Variants in KLF17 observed in about 807,000 individuals in gnomAD.
KLF17 encodes KLF transcription factor 17.
In KLF17, 31 loss-of-function variants were observed where a neutral mutation model predicts 34.2. The observed-to-expected ratio is 0.91, with a 90% CI of 0.68 to 1.22. KLF17 has a LOEUF of 1.22. KLF17 is among the 50% of genes most tolerant of loss of function. KLF17 has a pLI of 0.00. For missense variants in KLF17, 478 were observed against 505.2 expected (o/e 0.95, Z 0.52); for synonymous variants, 179 against 186.7 (o/e 0.96, Z 0.34).
intron 1 of KLF17, among the ~76,000 whole-genome samples, chr1:44,127,063 G>A (rs923885563): frequency 7.9e-6 from 1 of 126,914 alleles, no homozygotes; most frequent in East Asian, 2.3e-4. Flanking sequence ...TGCCTGGCTT[G>A]TTTTTTTTTT....
chr1:44,086,776 T>A, the KLF17 span, among the ~76,000 whole-genome samples: 1 of 152,184 alleles, frequency 6.6e-6, no homozygotes, highest in Non-Finnish European at 1.5e-5. Context: ...ATTTGATGGC[T>A]GTGGGAGTTC....
chr1:44,054,351 C>T, the KLF17 span, among the ~76,000 whole-genome samples: 1 of 152,092 alleles, frequency 6.6e-6, no homozygotes, highest in Non-Finnish European at 1.5e-5. Flanking sequence ...TTGTTAGTGG[C>T]TGCTTTAGGC....
the KLF17 span, among the ~76,000 whole-genome samples, chr1:44,097,620 G>A: frequency 6.6e-6 from 1 of 151,922 alleles, no homozygotes; most frequent in Admixed American, 6.6e-5. Context: ...AAAAAAATTT[G>A]TGGGTACATT....
chr1:44,059,534 A>G, the KLF17 span, among the ~76,000 whole-genome samples: 44 of 152,170 alleles, frequency 2.9e-4, no homozygotes, highest in African/African-American at 1.0e-3. Flanking sequence ...TGGCCTACCC[A>G]GAAAATTTCA....
At chr1:44,065,949 A>G in the KLF17 span, among the ~76,000 whole-genome samples, 1 of 152,308 alleles carries the variant, frequency 6.6e-6, no homozygotes, top group Non-Finnish European at 1.5e-5. Flanking sequence ...AAAATACTCA[A>G]CTTTATTAAT....
the KLF17 span, among the ~76,000 whole-genome samples, chr1:44,056,773 A>T: frequency 6.6e-6 from 1 of 152,122 alleles, no homozygotes; most frequent in Non-Finnish European, 1.5e-5. Context: ...CCACTGCTCT[A>T]TTGGTAGAAG....
intron 1 of KLF17, 102 bp downstream of exon 1, chr1:44,119,090 CCCGAGGGGTAGAAAT>C (rs1378877614): frequency 2.6e-6 from 2 of 778,396 alleles, no homozygotes; most frequent in Admixed American, 6.5e-5. Context: ...GAAGCAGAAA[CCCGAGGGGTAGAAAT>C]CCGAGGGGAG....
the KLF17 span, among the ~76,000 whole-genome samples, chr1:44,091,900 A>T: frequency 7.0e-6 from 1 of 143,378 alleles, no homozygotes; most frequent in Non-Finnish European, 1.5e-5. Flanking sequence ...GGTGAGAGAG[A>T]AAAACTCTGT....
At chr1:44,085,080 C>CTATA in the KLF17 span, among the ~76,000 whole-genome samples, 1 of 149,464 alleles carries the variant, frequency 6.7e-6, no homozygotes, top group Non-Finnish European at 1.5e-5. Context: ...TGAGTGCCTA[C>CTATA]TATATATATA....
chr1:44,120,049 C>T (rs2087928438), intron 1 of KLF17, among the ~76,000 whole-genome samples: 1 of 152,108 alleles, frequency 6.6e-6, no homozygotes, highest in African/African-American at 2.4e-5. Flanking sequence ...TCATTGGTCC[C>T]CGGGTGGTGA....
the KLF17 span, among the ~76,000 whole-genome samples, chr1:44,086,132 G>A: frequency 9.2e-5 from 14 of 152,288 alleles, no homozygotes; most frequent in African/African-American, 2.6e-4. Flanking sequence ...AAGTGGAGAC[G>A]CTGAGTATAG....
rs1486059267 is a variant in KLF17, at chr1:44,118,880, T to C, written c.-28T>C. 2.5e-5 allele frequency: 39 copies of C among 1,582,364 alleles called. No individual in the cohort carries two copies. The highest frequency in any genetic ancestry group is 3.5e-5 in the Admixed American group (2 of 56,540). ...GGTGGCTGGTTCCCTGTCTCTTCAG[T>C]AGAGAGTCTAGACCCCACCCAGTCT... On this transcript the variant is annotated 5_prime_UTR_variant, in exon 1 of 4. Transcript: ENST00000372299.
chr1:44,063,952 G>A, the KLF17 span, among the ~76,000 whole-genome samples: 34 of 152,144 alleles, frequency 2.2e-4, no homozygotes, highest in Non-Finnish European at 4.3e-4. Flanking sequence ...AGGAAGCCGG[G>A]AGGATTGAGT....
chr1:44,130,442 C>G, intron 2 of KLF17, 70 bp from the exon 3 acceptor site: 1 of 1,589,846 alleles, frequency 6.3e-7, no homozygotes, highest in Admixed American at 1.7e-5. Flanking sequence ...CTGGACTGCT[C>G]TGCCTCACAG....
rs375744324 is a variant in KLF17 at position 44,127,664 on chromosome 1, T to TTC, written c.82-1687_82-1686dup. On this transcript the variant is annotated intron_variant, in intron 1 of 3. Coordinates refer to ENST00000372299, the MANE Select transcript of KLF17 (RefSeq NM_173484.4). The stretch of plus-strand genomic sequence containing the variant: ...CTTCTTTCTTTCTTTCTTTCTTTCT[T>TTC]TCTTTCTTTCTTTCTTTCTTTCTTT... 2.8e-3 allele frequency among the ~76,000 whole-genome samples: 170 copies of TTC among 61,186 alleles called. 5 individuals are homozygous for TTC. The highest frequency in any genetic ancestry group is 3.7e-3 in the East Asian group (7 of 1,912). 40.1% of individuals were successfully genotyped at this position (61,186 alleles called of 152,430 possible).
chr1:44,084,187 C>G, the KLF17 span, among the ~76,000 whole-genome samples: 116 of 152,262 alleles, frequency 7.6e-4, no homozygotes, highest in African/African-American at 2.6e-3. Context: ...CCATTTTGGT[C>G]GATACATTTT....
At chr1:44,108,582 C>T in the KLF17 span, among the ~76,000 whole-genome samples, 3 of 149,270 alleles carry the variant, frequency 2.0e-5, no homozygotes, top group Non-Finnish European at 3.0e-5. Flanking sequence ...GGTTTGACCA[C>T]TGGTGATCTC....
chr1:44,070,332 C>T, the KLF17 span, among the ~76,000 whole-genome samples: 1 of 152,126 alleles, frequency 6.6e-6, no homozygotes, highest in African/African-American at 2.4e-5. Context: ...GATTTCTCAT[C>T]ATCCACCCCC....
the KLF17 span, among the ~76,000 whole-genome samples, chr1:44,068,474 C>T: frequency 6.6e-6 from 1 of 152,208 alleles, no homozygotes; most frequent in Non-Finnish European, 1.5e-5. Flanking sequence ...ACTATGTAGC[C>T]CCCACCACCT....
Sources: allele counts gnomAD v4.1 joint callset (sites outside exome capture counted in the v4.1 genomes callset), GRCh38; gene constraint gnomAD v4.1.1; transcripts MANE v1.5; gene names NCBI Gene and HGNC (gene_info 2026-07-23, HGNC 2026-07-21).